Variants in EIF4E3 observed in about 807,000 individuals in gnomAD.
EIF4E3 encodes eukaryotic translation initiation factor 4E family member 3.
A neutral mutation model predicts 31.7 loss-of-function variants in EIF4E3; 26 were observed. The observed-to-expected ratio is 0.82, with a 90% confidence interval of 0.60 to 1.14. The LOEUF (loss-of-function observed/expected upper bound fraction) is 1.14. Ranked by LOEUF, EIF4E3 falls within the 50% of genes most tolerant of loss-of-function variation. The pLI is 0.00. For synonymous variants in EIF4E3, 128 were observed against 107.7 expected, an observed-to-expected ratio of 1.19 and a Z score of -1.17; for missense variants, 304 against 270.9, an observed-to-expected ratio of 1.12 and a Z score of -0.86.
intron 1 of EIF4E3, among the ~76,000 whole-genome samples, chr3:71,737,681 T>A (rs1019993561): frequency 6.6e-6 from 1 of 152,062 alleles, no homozygotes; most frequent in African/African-American, 2.4e-5. Context: ...AACCCAGCAC[T>A]TGGGGAGGCT....
chr3:71,667,122 C>A, the EIF4E3 span, among the ~76,000 whole-genome samples: 2 of 152,300 alleles, frequency 1.3e-5, no homozygotes, highest in Admixed American at 6.5e-5. Flanking sequence ...TAAATGTAAT[C>A]CATCACATAA....
At chr3:71,696,965 G>T (rs1320635051) in intron 3 of EIF4E3, among the ~76,000 whole-genome samples, 1 of 151,268 alleles carries the variant, frequency 6.6e-6, no homozygotes, top group African/African-American at 2.4e-5. Flanking sequence ...TGATCCACCG[G>T]TCTCGGCCTC....
intron 1 of EIF4E3, among the ~76,000 whole-genome samples, chr3:71,718,039 A>G (rs775608461): frequency 1.3e-5 from 2 of 152,252 alleles, no homozygotes; most frequent in Admixed American, 1.3e-4. Context: ...ATTCCATCCT[A>G]TGTGAGAGAT....
At chr3:71,719,841 C>G (rs899095733) in intron 1 of EIF4E3, among the ~76,000 whole-genome samples, 2 of 151,952 alleles carry the variant, frequency 1.3e-5, no homozygotes, top group Non-Finnish European at 1.5e-5. Context: ...CAGTCAGACC[C>G]TGTCTCTACA....
chr3:71,687,040 G>A (rs763566698), intron 6 of EIF4E3, among the ~76,000 whole-genome samples: 5 of 152,046 alleles, frequency 3.3e-5, no homozygotes, highest in South Asian at 4.1e-4. Flanking sequence ...TTCTCTTGTC[G>A]CCCAGGCTAG....
At chr3:71,754,496 G>A, upstream of EIF4E3, 1 of 1,287,026 alleles carries the variant, frequency 7.8e-7, no homozygotes, top group Non-Finnish European at 9.8e-7. The surrounding 1 kb of genome is among the most constrained non-coding windows in gnomAD (Gnocchi z 5.8). Flanking sequence ...CCGCCTGGGC[G>A]CTGGCGCTGG....
At chr3:71,670,520 C>T (rs745661669), downstream of EIF4E3, among the ~76,000 whole-genome samples, 2 of 151,986 alleles carry the variant, frequency 1.3e-5, no homozygotes, top group Admixed American at 6.6e-5. Flanking sequence ...CCTACAAGTA[C>T]GACTTAGGAA....
chr3:71,715,192 G>A (rs1223988015), intron 1 of EIF4E3, among the ~76,000 whole-genome samples: 1 of 152,190 alleles, frequency 6.6e-6, no homozygotes, highest in Non-Finnish European at 1.5e-5. Flanking sequence ...TACAGTGCAC[G>A]GGACAGCCCT....
chr3:71,692,048 T>G (rs150865793), intron 5 of EIF4E3, among the ~76,000 whole-genome samples: 1 of 152,294 alleles, frequency 6.6e-6, no homozygotes, highest in African/African-American at 2.4e-5. Context: ...TTCAGTTTGG[T>G]TTGGCTCTTG....
rs1409788624 is a variant in EIF4E3, at chr3:71,681,938, C to T, written c.*2744G>A. 1 of 152,030 alleles carries T rather than the reference C, an allele frequency of 6.6e-6. No individual in the cohort carries two copies. The highest frequency in any genetic ancestry group is 1.5e-5 in the Non-Finnish European group (1 of 68,022). The allele number at this position is 152,030 out of a possible 1,614,324, so 9.4% of individuals were successfully genotyped here. ...ATAAAGTGTACCACGAATCTAACAG[C>T]AATATTATATTAAATGTACATGTTT... On this transcript the variant is annotated 3_prime_UTR_variant, in exon 7 of 7. Coordinates refer to ENST00000425534, the MANE Select transcript of EIF4E3 (RefSeq NM_001134651.2).
chr3:71,715,779 A>G (rs2049455753), intron 1 of EIF4E3, among the ~76,000 whole-genome samples: 1 of 152,214 alleles, frequency 6.6e-6, no homozygotes, highest in Non-Finnish European at 1.5e-5. Flanking sequence ...TTTATTAACC[A>G]TGTATTATAT....
chr3:71,721,402 GGT>G (rs1166986218), intron 1 of EIF4E3, among the ~76,000 whole-genome samples: 3 of 152,124 alleles, frequency 2.0e-5, no homozygotes, highest in African/African-American at 4.8e-5. Flanking sequence ...AGGGGCTCGG[GGT>G]GTGTGTGTCA....
At chr3:71,739,514 G>A (rs1257320844) in intron 1 of EIF4E3, among the ~76,000 whole-genome samples, 3 of 152,006 alleles carry the variant, frequency 2.0e-5, no homozygotes, top group South Asian at 2.1e-4. Flanking sequence ...TGGGCAACAT[G>A]GTGAAACCCT....
At chr3:71,690,388 T>C (rs1246197690) in intron 5 of EIF4E3, among the ~76,000 whole-genome samples, 1 of 152,214 alleles carries the variant, frequency 6.6e-6, no homozygotes, top group Non-Finnish European at 1.5e-5. Flanking sequence ...TCCAGGGACT[T>C]AGATAAAGTG....
chr3:71,662,875 T>C, the EIF4E3 span, among the ~76,000 whole-genome samples: 1 of 152,082 alleles, frequency 6.6e-6, no homozygotes, highest in Non-Finnish European at 1.5e-5. Flanking sequence ...GAAAGAAGAC[T>C]TGGGGGCAGA....
Position 71,679,342 on chromosome 3 carries a change from C to T in EIF4E3, c.*5340G>A, listed in dbSNP as rs1277484871. The T allele has an allele frequency of 6.6e-6, 1 of 152,162 alleles. No individual in the cohort carries two copies. The highest frequency in any genetic ancestry group is 2.4e-5 in the African/African-American group (1 of 41,442). 9.4% of individuals were successfully genotyped at this position (152,162 alleles called of 1,614,324 possible). On this transcript the variant is annotated 3_prime_UTR_variant, in exon 7 of 7. Transcript: ENST00000425534. ...GACACTTTAATAGATCCGAAATAAA[C>T]ATCTGTTCCAAAATAAAAGTTCAAG...
intron 1 of EIF4E3, among the ~76,000 whole-genome samples, chr3:71,735,896 T>C (rs569353029): frequency 8.5e-5 from 13 of 152,276 alleles, no homozygotes; most frequent in East Asian, 3.9e-4. Context: ...CTTAAGATAA[T>C]AGTAATTCAA....
chr3:71,706,255 G>A (rs1459232711), intron 2 of EIF4E3, among the ~76,000 whole-genome samples: 1 of 152,078 alleles, frequency 6.6e-6, no homozygotes, highest in East Asian at 1.9e-4. Context: ...TAGAGGCAAG[G>A]CATGACTGGC....
At chr3:71,730,824 G>T (rs2049698417) in intron 1 of EIF4E3, among the ~76,000 whole-genome samples, 1 of 151,960 alleles carries the variant, frequency 6.6e-6, no homozygotes, top group East Asian at 1.9e-4. Context: ...CGGCCTCCCA[G>T]GCTCAAGCAA....
Sources: allele counts gnomAD v4.1 joint callset (sites outside exome capture counted in the v4.1 genomes callset), GRCh38; gene constraint gnomAD v4.1.1; non-coding constraint Gnocchi (gnomAD v3.1); transcripts MANE v1.5; gene names NCBI Gene and HGNC (gene_info 2026-07-23, HGNC 2026-07-21).